Variants in SLIT3 observed in about 807,000 individuals in gnomAD.
SLIT3 encodes the protein slit guidance ligand 3, also known as slit homolog 3 protein.
In SLIT3, 68 loss-of-function variants were observed where a neutral mutation model predicts 184.0. That is an observed-to-expected ratio of 0.37 (90% CI 0.30 to 0.45). SLIT3 has a LOEUF of 0.45. SLIT3 is among the 20% of genes least tolerant of loss of function. SLIT3 has a pLI of 1.00. For missense variants in SLIT3, 1,707 were observed against 2,026.0 expected (o/e 0.84, Z 3.02); for synonymous variants, 831 against 828.6 (o/e 1.00, Z -0.05).
At chr5:169,167,726 G>T (rs1452248237) in intron 4 of SLIT3, among the ~76,000 whole-genome samples, 1 of 152,108 alleles carries the variant, frequency 6.6e-6, no homozygotes, top group Non-Finnish European at 1.5e-5. Flanking sequence ...ACCCAGGCAG[G>T]CTGGCTTCTG....
intron 3 of SLIT3, among the ~76,000 whole-genome samples, chr5:169,239,049 A>G (rs1437610568): frequency 6.6e-6 from 1 of 152,082 alleles, no homozygotes; most frequent in Non-Finnish European, 1.5e-5. Flanking sequence ...TCTACTGGGG[A>G]TTCACTGAAT....
intron 32 of SLIT3, among the ~76,000 whole-genome samples, chr5:168,676,142 C>T (rs913556330): frequency 1.3e-5 from 2 of 150,612 alleles, no homozygotes; most frequent in African/African-American, 4.9e-5. Flanking sequence ...TACCTACCCA[C>T]CTACTTATTT....
rs187100306 is a variant in SLIT3 at position 168,727,419 on chromosome 5, C to T, written c.2271-2935G>A. On this transcript the variant is annotated intron_variant, in intron 20 of 35. Transcript: ENST00000519560. ...GAAAAGGGTGAAGACTTGGAAAGAG[C>T]AGGGGAGGTGGAAGAGTCTGGCAAG... is the stretch of plus-strand genomic sequence containing the variant. 2.4e-4 allele frequency among the ~76,000 whole-genome samples: 36 copies of T among 152,250 alleles called. 1 individual carries two copies. The highest frequency in any genetic ancestry group is 2.4e-3 in the Admixed American group (36 of 15,298).
intron 1 of SLIT3, among the ~76,000 whole-genome samples, chr5:169,253,028 G>A (rs1463623518): frequency 6.6e-6 from 1 of 151,934 alleles, no homozygotes; most frequent in African/African-American, 2.4e-5. Context: ...ACTAGCTTGT[G>A]ATGGAGAAAA....
At chr5:169,037,466 C>T (rs1367349983) in intron 4 of SLIT3, among the ~76,000 whole-genome samples, 1 of 152,080 alleles carries the variant, frequency 6.6e-6, no homozygotes, top group Non-Finnish European at 1.5e-5. Flanking sequence ...GGTTCTTTGC[C>T]TTGAAATAGA....
At chr5:169,081,477 C>T (rs1172703711) in intron 4 of SLIT3, among the ~76,000 whole-genome samples, 1 of 152,110 alleles carries the variant, frequency 6.6e-6, no homozygotes, top group Non-Finnish European at 1.5e-5. Context: ...TGACAAGGGT[C>T]CCCAAATGTG....
intron 9 of SLIT3, among the ~76,000 whole-genome samples, chr5:168,806,015 A>G (rs1198999350): frequency 6.6e-6 from 1 of 152,252 alleles, no homozygotes; most frequent in Non-Finnish European, 1.5e-5. Context: ...CGGTATGGCC[A>G]GGATACAAAT....
intron 9 of SLIT3, among the ~76,000 whole-genome samples, chr5:168,802,049 G>A (rs1756783365): frequency 6.6e-6 from 1 of 151,730 alleles, no homozygotes; most frequent in Non-Finnish European, 1.5e-5. Context: ...TGAGAATAGG[G>A]AGTGGAGAGC....
In SLIT3 at chr5:168,940,620, G is replaced by C. The variant is rs114602642; in HGVS notation, c.414-57284C>G. 4.6e-5 allele frequency among the ~76,000 whole-genome samples: 7 copies of C among 152,198 alleles called. No individual in the cohort carries two copies. In the East Asian group the frequency reaches 1.4e-3, roughly 29 times the overall value. ...TTATGGGTATCAACAAGACAAGGATGATTTAGTCCCAACTTGGAGATGTGA... is the reference window on the plus strand; with the variant it reads ...TTATGGGTATCAACAAGACAAGGATCATTTAGTCCCAACTTGGAGATGTGA... On this transcript the variant is annotated intron_variant, in intron 4 of 35. Coordinates refer to ENST00000519560, the MANE Select transcript of SLIT3 (RefSeq NM_003062.4).
intron 4 of SLIT3, among the ~76,000 whole-genome samples, chr5:168,965,793 T>TC (rs756246993): frequency 1.3e-5 from 2 of 152,190 alleles, no homozygotes; most frequent in Non-Finnish European, 2.9e-5. Context: ...GGTAAATAGC[T>TC]CAACAATCCC....
chr5:168,895,302 G>A (rs934459730), intron 4 of SLIT3, among the ~76,000 whole-genome samples: 1 of 152,142 alleles, frequency 6.6e-6, no homozygotes, highest in Non-Finnish European at 1.5e-5. Context: ...AACATGCCAG[G>A]GCAGGGTGGG....
At chr5:168,726,144 G>A (rs1763100868) in intron 20 of SLIT3, among the ~76,000 whole-genome samples, 1 of 151,936 alleles carries the variant, frequency 6.6e-6, no homozygotes, top group African/African-American at 2.4e-5. Flanking sequence ...CTGTCTCAGG[G>A]AGCCTAAAAT....
At chr5:168,786,055 C>A (rs1452309679) in intron 11 of SLIT3, 77 bp from the exon 12 acceptor site, 4 of 982,528 alleles carry the variant, frequency 4.1e-6, no homozygotes, top group Non-Finnish European at 6.5e-6. Context: ...GAAGCCATCA[C>A]CTCGGCCAGT....
At chr5:168,959,127 C>T (rs998348837) in intron 4 of SLIT3, among the ~76,000 whole-genome samples, 3 of 152,216 alleles carry the variant, frequency 2.0e-5, no homozygotes, top group Admixed American at 1.3e-4. Context: ...AAGCCTTATA[C>T]ACAGTAATGG....
chr5:169,079,673 GGAGGAGGAGGGAA>G (rs1464068167), intron 4 of SLIT3, among the ~76,000 whole-genome samples: 2 of 96,314 alleles, frequency 2.1e-5, no homozygotes, highest in African/African-American at 4.3e-5. Context: ...GGAGGGAAGA[GGAGGAGGAGGGAA>G]GAGGAGGAGG....
chr5:169,180,391 G>A (rs1210549594), intron 4 of SLIT3, among the ~76,000 whole-genome samples: 2 of 152,170 alleles, frequency 1.3e-5, no homozygotes, highest in African/African-American at 4.8e-5. Context: ...AAAGTCATTG[G>A]AACTTTTAAC....
intron 12 of SLIT3, among the ~76,000 whole-genome samples, chr5:168,785,471 C>G (rs1271183019): frequency 6.6e-6 from 1 of 152,264 alleles, no homozygotes; most frequent in Admixed American, 6.5e-5. Flanking sequence ...GAATTATTCC[C>G]TCTGCCCCGA....
chr5:168,966,184 C>T (rs951309670), intron 4 of SLIT3, among the ~76,000 whole-genome samples: 1 of 152,168 alleles, frequency 6.6e-6, no homozygotes, highest in Non-Finnish European at 1.5e-5. Context: ...GAGACATGTG[C>T]TTTGAATGTG....
At chr5:168,681,367 A>T (rs1028612812) in intron 32 of SLIT3, among the ~76,000 whole-genome samples, 1 of 152,160 alleles carries the variant, frequency 6.6e-6, no homozygotes, top group African/African-American at 2.4e-5. Flanking sequence ...GGAATGAGTG[A>T]GAGTGTACTA....
Sources: allele counts gnomAD v4.1 joint callset (sites outside exome capture counted in the v4.1 genomes callset), GRCh38; gene constraint gnomAD v4.1.1; transcripts MANE v1.5; gene names NCBI Gene and HGNC (gene_info 2026-07-23, HGNC 2026-07-21).